The following SCN4A variants were observed in gnomAD, a reference collection of about 807,000 sequenced individuals.
SCN4A encodes sodium voltage-gated channel alpha subunit 4.
In SCN4A, 83 loss-of-function variants were observed where a neutral mutation model predicts 162.0. That is an observed-to-expected ratio of 0.51 (90% CI 0.43 to 0.61). The LOEUF (loss-of-function observed/expected upper bound fraction) is 0.61. SCN4A is among the 20% of genes least tolerant of loss of function. The pLI, the probability that SCN4A is intolerant of heterozygous loss-of-function variation, is 0.00. For synonymous variants in SCN4A, 944 were observed against 985.1 expected (o/e 0.96, Z 0.78); for missense variants, 2,196 against 2,462.5 (o/e 0.89, Z 2.29).
At chr17:63,968,388 G>A (rs1909521318) in intron 5 of SCN4A, 33 bp from the exon 6 acceptor site, 1 of 1,546,232 alleles carries the variant, frequency 6.5e-7, no homozygotes, top group Non-Finnish European at 8.8e-7. Context: ...TATTGGCAGG[G>A]GGCAGGGCAG....
Position 63,944,218 on chromosome 17 carries a change from C to CA in SCN4A, c.3913-369dup, listed in dbSNP as rs1908638752. On this transcript the variant is annotated intron_variant, in intron 21 of 23. Coordinates refer to ENST00000435607, the MANE Select transcript of SCN4A (RefSeq NM_000334.4). This position sits in a 1 kb window ranked among gnomAD's most constrained non-coding sequence, Gnocchi z 4.3. ...GCAGTGGCGCGATCTTGGCCCACTG[C>CA]AACCTCCATCTCCTGGGTTTAAGCG... Among the ~76,000 whole-genome samples, 1 of 152,180 alleles carries CA rather than the reference C, an allele frequency of 6.6e-6. No individual in the cohort carries two copies. Among genetic ancestry groups the CA allele is most frequent in the African/African-American group, 2.4e-5 (1 of 41,442 alleles).
At chr17:63,970,373 CTG>C (rs1311547479) in intron 5 of SCN4A, among the ~76,000 whole-genome samples, 1 of 152,202 alleles carries the variant, frequency 6.6e-6, no homozygotes, top group Non-Finnish European at 1.5e-5. Context: ...GATAAGGAAA[CTG>C]AGACATGGAC....
chr17:63,959,585 T>C, intron 11 of SCN4A, 147 bp from the exon 12 acceptor site: 1 of 724,976 alleles, frequency 1.4e-6, no homozygotes, highest in Non-Finnish European at 2.3e-6. Flanking sequence ...GTGGCATGCA[T>C]GGCCCGTGTG....
chr17:63,945,547 C>T lies in SCN4A; in HGVS notation c.3533G>A (p.Gly1178Asp). ...LIFWLIFSIM[G>D]VNLFAGKFYY... ...GAACTTGCCGGCAAACAGGTTGACA[C>T]CCATGATGCTGAAGATCAGCCAGAA... Residue 1178 changes from glycine to aspartate, a missense_variant, in exon 19 of 24, where the codon GGT becomes GAT. Physicochemically the swap from Gly to Asp is moderately conservative, Grantham distance 94 (BLOSUM62 -1). Transcript: ENST00000435607. The surrounding 1 kb of genome is among the most constrained non-coding windows in gnomAD (Gnocchi z 4.4). 6.2e-7 allele frequency: 1 copy of T among 1,613,944 alleles called. No homozygotes were observed. The highest frequency in any genetic ancestry group is 8.5e-7 in the Non-Finnish European group (1 of 1,179,870).
Position 63,972,095 on chromosome 17 carries a change from G to C in SCN4A, c.482+41C>G, listed in dbSNP as rs371992095. 2 of 1,457,860 alleles carry C rather than the reference G, an allele frequency of 1.4e-6. No individual in the cohort carries two copies. Among genetic ancestry groups the C allele is most frequent in the African/African-American group, 2.8e-5 (2 of 71,762 alleles). 90.3% of individuals were successfully genotyped at this position (1,457,860 alleles called of 1,614,324 possible). A position where few individuals can be genotyped will look rare whatever the true frequency, so the allele number is the denominator to read the frequency against. ...GAGGTGCAAACACCTGAGATGGGCT[G>C]TGTCCCAGGGCTGGGGAGCTCAGGG... On this transcript the variant is annotated intron_variant, in intron 3 of 23. Transcript: ENST00000435607. The surrounding 1 kb of genome is among the most constrained non-coding windows in gnomAD (Gnocchi z 4.3).
intron 6 of SCN4A, among the ~76,000 whole-genome samples, chr17:63,966,899 G>A (rs1909465754): frequency 6.6e-6 from 1 of 152,192 alleles, no homozygotes; most frequent in African/African-American, 2.4e-5. Flanking sequence ...CAGGTGCCAG[G>A]GTGAGAAGGG....
At chr17:63,961,982 C>T (rs1261233996) in intron 10 of SCN4A, among the ~76,000 whole-genome samples, 1 of 151,910 alleles carries the variant, frequency 6.6e-6, no homozygotes, top group East Asian at 1.9e-4. Flanking sequence ...CCTCCCGAAG[C>T]TCCGCCCCTT....
intron 23 of SCN4A, 46 bp from the exon 24 acceptor site, chr17:63,942,039 C>T (rs778220639): frequency 1.9e-5 from 28 of 1,507,062 alleles, no homozygotes; most frequent in South Asian, 4.0e-5. Flanking sequence ...GGAGGGGGGC[C>T]GGCACAGGGT....
intron 12 of SCN4A, among the ~76,000 whole-genome samples, chr17:63,958,014 A>AAG (rs1555603224): frequency 2.7e-5 from 4 of 150,668 alleles, no homozygotes; most frequent in African/African-American, 9.8e-5. Flanking sequence ...AAAAAAAAAA[A>AAG]AAAAAGAAAA....
At chr17:63,943,913 C>G in intron 21 of SCN4A, 63 bp from the exon 22 acceptor site, 1 of 1,067,542 alleles carries the variant, frequency 9.4e-7, no homozygotes, top group Non-Finnish European at 1.4e-6. Context: ...CAGGACCACC[C>G]CCACCTCAGT....
intron 5 of SCN4A, among the ~76,000 whole-genome samples, chr17:63,969,261 T>G (rs1909545990): frequency 6.6e-6 from 1 of 152,174 alleles, no homozygotes. Flanking sequence ...ACTTGAAACA[T>G]CATTATATTC....
chr17:63,972,022 G>T lies in SCN4A; in HGVS notation c.482+114C>A, dbSNP rs2144814187. On this transcript the variant is annotated intron_variant, in intron 3 of 23. Transcript: ENST00000435607. This position sits in a 1 kb window ranked among gnomAD's most constrained non-coding sequence, Gnocchi z 4.3. The stretch of plus-strand genomic sequence containing the variant: ...CCAGGGACTCAAGGTGTGGATGAGG[G>T]TCACAATGACAGTGTGTCTCCCTGA... The T allele has an allele frequency of 2.8e-6, 3 of 1,061,934 alleles. No homozygotes were observed. The highest frequency in any genetic ancestry group is 4.3e-6 in the Non-Finnish European group (3 of 705,762). 65.8% of individuals were successfully genotyped at this position (1,061,934 alleles called of 1,614,324 possible). A position where few individuals can be genotyped will look rare whatever the true frequency, so the allele number is the denominator to read the frequency against.
At chr17:63,955,502 A>G (rs1278960382) in intron 13 of SCN4A, among the ~76,000 whole-genome samples, 2 of 152,194 alleles carry the variant, frequency 1.3e-5, no homozygotes, top group East Asian at 3.8e-4. Flanking sequence ...CCCGTTTTCC[A>G]GATGGGAAAA....
In SCN4A at chr17:63,944,947, C is replaced by T. The variant is rs1245963839; in HGVS notation, c.3774+60G>A. On this transcript the variant is annotated intron_variant, in intron 20 of 23. Coordinates refer to ENST00000435607, the MANE Select transcript of SCN4A (RefSeq NM_000334.4). The surrounding 1 kb of genome is among the most constrained non-coding windows in gnomAD (Gnocchi z 4.3). ...CAGAACGTGCTGCCAAGTCTCCCTC[C>T]TGTCTTGAGTCCTCTTCCCTGGCTC... 3 of 1,598,862 alleles carry T rather than the reference C, an allele frequency of 1.9e-6. No individual in the cohort carries two copies. In the African/African-American group the frequency reaches 4.0e-5, roughly 21 times the overall value.
chr17:63,953,824 C>T (rs1202338057), intron 13 of SCN4A, among the ~76,000 whole-genome samples: 1 of 152,186 alleles, frequency 6.6e-6, no homozygotes, highest in Non-Finnish European at 1.5e-5. Flanking sequence ...GTGGCCTGCT[C>T]TAGGACACAG....
intron 8 of SCN4A, 49 bp downstream of exon 8, chr17:63,966,053 G>A: frequency 7.0e-7 from 1 of 1,434,686 alleles, no homozygotes; most frequent in Non-Finnish European, 9.6e-7. Context: ...CTGCAGGGAT[G>A]GAGGGGGAGT....
chr17:63,944,327 T>G lies in SCN4A; in HGVS notation c.3912+346A>C, dbSNP rs543896212. Among the ~76,000 whole-genome samples, 4 of 152,264 alleles carry G rather than the reference T, an allele frequency of 2.6e-5. No individual in the cohort carries two copies. In the South Asian group the frequency reaches 6.2e-4, roughly 24 times the overall value. On this transcript the variant is annotated intron_variant, in intron 21 of 23. Coordinates refer to ENST00000435607, the MANE Select transcript of SCN4A (RefSeq NM_000334.4). The surrounding 1 kb of genome is among the most constrained non-coding windows in gnomAD (Gnocchi z 4.3). Reference sequence around the variant, plus strand: ...GCTAATTTCTTTTTTTAATTTTTTTTGTATTTTTAGTATAGACAGGGTTTT... The same window carrying G: ...GCTAATTTCTTTTTTTAATTTTTTTGGTATTTTTAGTATAGACAGGGTTTT...
At chr17:63,961,733 C>A in intron 10 of SCN4A, 1 of 408,054 alleles carries the variant, frequency 2.5e-6, no homozygotes, top group East Asian at 4.2e-5. Flanking sequence ...GCCTACAGCC[C>A]CACCCCTGGA....
In SCN4A at chr17:63,961,329, A is replaced by C. The variant is rs767551056; in HGVS notation, c.1709T>G (p.Ile570Ser). 2 of 1,613,756 alleles carry C rather than the reference A, an allele frequency of 1.2e-6. No homozygotes were observed. The highest frequency in any genetic ancestry group is 2.2e-5 in the South Asian group (2 of 91,074). Reference sequence around the variant, plus strand: ...CGGGTCCATGACGATCAGGTGGATGATGTTCTTGAACTTCAGCCACGGGGC... The same window carrying C: ...CGGGTCCATGACGATCAGGTGGATGCTGTTCTTGAACTTCAGCCACGGGGC... ...CCAPWLKFKN[I>S]IHLIVMDPFV... Residue 570 changes from isoleucine (I) to serine (S), a missense_variant, in exon 11 of 24, where the codon ATC becomes AGC. By Grantham distance (142) the Ile-to-Ser change is moderately radical. Coordinates refer to ENST00000435607, the MANE Select transcript of SCN4A (RefSeq NM_000334.4).
Sources: gnomAD v4.1 joint callset for allele counts (sites outside exome capture counted in the v4.1 genomes callset) on GRCh38, gnomAD v4.1.1 for gene constraint, Gnocchi (gnomAD v3.1) non-coding constraint, MANE v1.5 for transcripts, NCBI Gene and HGNC (gene_info 2026-07-23, HGNC 2026-07-21) for gene names.